CNTNAP2: variants seen among roughly 807,000 people sequenced by gnomAD.
The protein encoded by CNTNAP2 is contactin associated protein 2.
A neutral mutation model predicts 155.2 loss-of-function variants in CNTNAP2; 98 were observed. The observed-to-expected ratio is 0.63, with a 90% confidence interval of 0.54 to 0.75. The LOEUF is 0.75. CNTNAP2 is among the 30% of genes least tolerant of loss of function. The pLI, the probability that CNTNAP2 is intolerant of heterozygous loss-of-function variation, is 0.00. For missense variants in CNTNAP2, 1,727 were observed against 1,688.1 expected, an observed-to-expected ratio of 1.02 and a Z score of -0.40; for synonymous variants, 651 against 631.2, an observed-to-expected ratio of 1.03 and a Z score of -0.47.
chr7:147,857,753 C>T (rs1175574437), intron 13 of CNTNAP2, among the ~76,000 whole-genome samples: 1 of 152,112 alleles, frequency 6.6e-6, no homozygotes, highest in Non-Finnish European at 1.5e-5. Context: ...TCTGACACAA[C>T]AAAATATCAA....
intron 4 of CNTNAP2, among the ~76,000 whole-genome samples, chr7:147,092,309 A>T (rs1800424553): frequency 6.6e-6 from 1 of 152,176 alleles, no homozygotes; most frequent in South Asian, 2.1e-4. Flanking sequence ...ATTCAAAATA[A>T]TTTCCTTCTT....
intron 1 of CNTNAP2, among the ~76,000 whole-genome samples, chr7:146,486,379 A>C (rs1386583789): frequency 6.6e-6 from 1 of 152,138 alleles, no homozygotes; most frequent in East Asian, 1.9e-4. Context: ...AGCAGTCTTA[A>C]ACAAGATAAA....
In CNTNAP2 at chr7:146,912,511, T is replaced by C. The variant is rs533847339; in HGVS notation, c.402+72607T>C. Among the ~76,000 whole-genome samples the C allele has an allele frequency of 6.6e-5, 10 of 152,238 alleles. No individual in the cohort carries two copies. The South Asian group carries it at 2.1e-3, about 32-fold the overall frequency. ...GTTTAGCAGGGCCTCAGGGTAACAA[T>C]GTTTTAAATTAATCTTTTGGTACTA... On this transcript the variant is annotated intron_variant, in intron 3 of 23. Transcript: ENST00000361727.
At chr7:148,063,509 T>C (rs1803197460) in intron 15 of CNTNAP2, among the ~76,000 whole-genome samples, 3 of 151,806 alleles carry the variant, frequency 2.0e-5, no homozygotes, top group Admixed American at 1.3e-4. Flanking sequence ...TCTATCACTG[T>C]CTTCAAGTTA....
At chr7:146,728,611 CA>C (rs35250478) in intron 1 of CNTNAP2, among the ~76,000 whole-genome samples, 18,684 of 115,024 alleles carry the variant, frequency 0.16, 1,163 homozygotes, top group East Asian at 0.19. Flanking sequence ...TTTTAGGCTG[CA>C]AAAAAAAAAA....
intron 8 of CNTNAP2, among the ~76,000 whole-genome samples, chr7:147,242,441 T>C (rs1004468663): frequency 1.3e-5 from 2 of 152,180 alleles, no homozygotes; most frequent in Non-Finnish European, 2.9e-5. Context: ...TAACTTCTAT[T>C]TGGGAATTTT....
At chr7:147,712,848 C>T (rs755982990) in intron 13 of CNTNAP2, among the ~76,000 whole-genome samples, 2 of 152,068 alleles carry the variant, frequency 1.3e-5, no homozygotes, top group African/African-American at 4.8e-5. Context: ...ACATATGTAA[C>T]CAACCTGCAC....
At chr7:146,135,099 G>A (rs1797777701) in intron 1 of CNTNAP2, among the ~76,000 whole-genome samples, 1 of 152,074 alleles carries the variant, frequency 6.6e-6, no homozygotes, top group Non-Finnish European at 1.5e-5. Flanking sequence ...CTAATGCTGA[G>A]ACTGATCTAT....
At chr7:147,921,850 T>G (rs1368568793) in intron 14 of CNTNAP2, among the ~76,000 whole-genome samples, 6 of 152,266 alleles carry the variant, frequency 3.9e-5, no homozygotes, top group Non-Finnish European at 8.8e-5. Context: ...AACAAACATG[T>G]GTTGAGTACT....
rs1457608515 is a variant in CNTNAP2 at position 147,626,376 on chromosome 7, C to A, written c.1898-12730C>A. Among the ~76,000 whole-genome samples the A allele has an allele frequency of 2.0e-4, 30 of 151,386 alleles. 1 individual carries two copies. Among genetic ancestry groups the A allele is most frequent in the Non-Finnish European group, 3.0e-5 (2 of 67,766 alleles). On this transcript the variant is annotated intron_variant, in intron 12 of 23. Coordinates refer to ENST00000361727, the MANE Select transcript of CNTNAP2 (RefSeq NM_014141.6). ...GTTAGGCCTCTCACTAATGGCTATT[C>A]CCCACTTCTCTGGTGAACTATATGA...
At chr7:148,151,873 G>A (rs1490558059) in intron 17 of CNTNAP2, among the ~76,000 whole-genome samples, 1 of 152,054 alleles carries the variant, frequency 6.6e-6, no homozygotes, top group Non-Finnish European at 1.5e-5. Flanking sequence ...GCAAACTAAG[G>A]CCCAAGGATT....
chr7:146,467,409 G>T (rs191324557), intron 1 of CNTNAP2, among the ~76,000 whole-genome samples: 64 of 152,158 alleles, frequency 4.2e-4, no homozygotes, highest in African/African-American at 1.5e-3. Flanking sequence ...TAATGCAAAA[G>T]ATGATGGTAG....
At chr7:147,148,187 G>T (rs1235456446) in intron 8 of CNTNAP2, among the ~76,000 whole-genome samples, 1 of 151,688 alleles carries the variant, frequency 6.6e-6, no homozygotes, top group African/African-American at 2.4e-5. Flanking sequence ...TCAGGAGATC[G>T]AGACCATCCC....
intron 10 of CNTNAP2, among the ~76,000 whole-genome samples, chr7:147,421,747 T>C (rs899716416): frequency 4.0e-5 from 6 of 151,852 alleles, no homozygotes; most frequent in Non-Finnish European, 7.4e-5. Context: ...GTCACGGGGG[T>C]GGATCCCTTG....
chr7:148,273,441 A>G (rs976067638), intron 21 of CNTNAP2, among the ~76,000 whole-genome samples: 4 of 152,244 alleles, frequency 2.6e-5, no homozygotes, highest in Non-Finnish European at 5.9e-5. Context: ...GTGTAATTAC[A>G]TACACGACCT....
intron 9 of CNTNAP2, among the ~76,000 whole-genome samples, chr7:147,384,662 T>G (rs1796597502): frequency 6.6e-6 from 1 of 152,216 alleles, no homozygotes; most frequent in Non-Finnish European, 1.5e-5. Context: ...AGAGGTTGAA[T>G]GCATAACAAG....
chr7:146,560,289 T>C (rs559695304), intron 1 of CNTNAP2, among the ~76,000 whole-genome samples: 1 of 152,248 alleles, frequency 6.6e-6, no homozygotes, highest in South Asian at 2.1e-4. Context: ...AATAAAATTA[T>C]ATAAATTACT....
At chr7:147,963,194 T>A (rs1801142342) in intron 14 of CNTNAP2, among the ~76,000 whole-genome samples, 1 of 152,150 alleles carries the variant, frequency 6.6e-6, no homozygotes, top group African/African-American at 2.4e-5. Flanking sequence ...TTTTTTTTGT[T>A]GGTCAAATGA....
At chr7:146,710,073 G>A (rs1017134756) in intron 1 of CNTNAP2, among the ~76,000 whole-genome samples, 6 of 152,188 alleles carry the variant, frequency 3.9e-5, no homozygotes, top group African/African-American at 9.6e-5. Context: ...GCCCATCAGC[G>A]AAGGCAGAGA....
Sources: allele counts gnomAD v4.1 joint callset (sites outside exome capture counted in the v4.1 genomes callset), GRCh38; gene constraint gnomAD v4.1.1; transcripts MANE v1.5; gene names NCBI Gene and HGNC (gene_info 2026-07-23, HGNC 2026-07-21).